The following PROCR variants were observed in gnomAD, a reference collection of about 807,000 sequenced individuals.
The protein encoded by PROCR is endothelial protein C receptor.
In PROCR, 22 loss-of-function variants were observed where a neutral mutation model predicts 24.2. The ratio of observed to expected loss-of-function variants is 0.91; its 90% CI spans 0.65 to 1.30. The LOEUF (loss-of-function observed/expected upper bound fraction) is 1.30. Among genes scored for constraint, PROCR ranks in the 50% most tolerant of loss-of-function variants. The probability of loss-of-function intolerance (pLI) is 0.00; values close to 1 mark genes in which losing one functional copy is unlikely to be tolerated. For synonymous variants in PROCR, 137 were observed against 139.2 expected, an observed-to-expected ratio of 0.98 and a Z score of 0.11; for missense variants, 288 against 307.7, an observed-to-expected ratio of 0.94 and a Z score of 0.48.
At chr20:35,178,668 A>G (rs2086050169), downstream of PROCR, among the ~76,000 whole-genome samples, 3 of 134,806 alleles carry the variant, frequency 2.2e-5, no homozygotes, top group Non-Finnish European at 4.8e-5. Context: ...GGCGCCCGCC[A>G]CTACGCCCGG....
chr20:35,214,132 C>T (rs1042562471), intron 1 of PROCR, among the ~76,000 whole-genome samples: 2 of 151,992 alleles, frequency 1.3e-5, no homozygotes, highest in African/African-American at 4.8e-5. Flanking sequence ...AAATTGCCTT[C>T]CCACCCTGTC....
intron 1 of PROCR, among the ~76,000 whole-genome samples, chr20:35,205,796 T>C (rs1435143342): frequency 7.6e-6 from 1 of 131,980 alleles, no homozygotes; most frequent in Non-Finnish European, 1.6e-5. Context: ...TATGTATATA[T>C]ACACACATAT....
At chr20:35,213,446 G>A (rs972017683) in intron 1 of PROCR, among the ~76,000 whole-genome samples, 9 of 151,704 alleles carry the variant, frequency 5.9e-5, no homozygotes, top group South Asian at 2.1e-4. Context: ...GCTGTTTTAC[G>A]TTAAAAAAAT....
chr20:35,174,025 C>G (rs1344423889), intron 1 of PROCR, among the ~76,000 whole-genome samples: 1 of 152,176 alleles, frequency 6.6e-6, no homozygotes, highest in Non-Finnish European at 1.5e-5. Context: ...CTATCTCTGT[C>G]TCAGTTTCCC....
At chr20:35,192,562 C>A (rs1319929590) in intron 1 of PROCR, among the ~76,000 whole-genome samples, 1 of 152,118 alleles carries the variant, frequency 6.6e-6, no homozygotes, top group East Asian at 1.9e-4. Flanking sequence ...CTTTTAGCTT[C>A]CCTATCTTAG....
At chr20:35,174,668 C>T (rs2085987940) in intron 1 of PROCR, 34 bp from the exon 2 acceptor site, 2 of 1,613,084 alleles carry the variant, frequency 1.2e-6, no homozygotes, top group Non-Finnish European at 1.7e-6. Context: ...CCCCCTCCCA[C>T]GCCGGCCCAG....
At chr20:35,208,276 C>A (rs774987026) in intron 1 of PROCR, among the ~76,000 whole-genome samples, 7 of 152,232 alleles carry the variant, frequency 4.6e-5, no homozygotes, top group Admixed American at 2.0e-4. Flanking sequence ...TTTCTCTCTT[C>A]GGAATCTGTC....
intron 1 of PROCR, among the ~76,000 whole-genome samples, chr20:35,198,153 A>G (rs6060303): frequency 0.8 from 120,967 of 151,572 alleles, 48,781 homozygotes; most frequent in African/African-American, 0.91. Flanking sequence ...TTAGCTGGGC[A>G]TAGTAGCGGG....
At chr20:35,200,333 A>C (rs912788466) in intron 1 of PROCR, among the ~76,000 whole-genome samples, 13 of 152,296 alleles carry the variant, frequency 8.5e-5, no homozygotes, top group African/African-American at 2.9e-4. Flanking sequence ...AGGAAGAGTC[A>C]ATTGATATGC....
intron 1 of PROCR, among the ~76,000 whole-genome samples, chr20:35,214,426 C>G (rs1265572225): frequency 6.6e-6 from 1 of 152,144 alleles, no homozygotes; most frequent in African/African-American, 2.4e-5. Flanking sequence ...GTGGCTCACG[C>G]CTGTAATCCC....
rs1255034937 is a variant in PROCR at position 35,176,747 on chromosome 20, G to T, written c.651G>T (p.Val217=). ...SYTSLVLGVL[V]GSFIIAGVAV... is the part of the protein sequence containing the mutation. ...CTTCGCTGGTCCTGGGCGTCCTGGT[G>T]GGCAGTTTCATCATTGCTGGTGTGG... Residue 217 remains valine, a synonymous_variant, in exon 4 of 4, where the codon GTG becomes GTT. Transcript: ENST00000216968. The T allele has an allele frequency of 6.2e-7, 1 of 1,613,838 alleles. No homozygotes were observed. Among genetic ancestry groups the T allele is most frequent in the African/African-American group, 1.3e-5 (1 of 74,926 alleles).
intron 1 of PROCR, among the ~76,000 whole-genome samples, chr20:35,208,731 T>C (rs1258554022): frequency 6.6e-6 from 1 of 152,148 alleles, no homozygotes; most frequent in Non-Finnish European, 1.5e-5. Context: ...TCCCAGCACT[T>C]TGGGAGGCCG....
chr20:35,203,609 T>G (rs2060327138), intron 1 of PROCR, among the ~76,000 whole-genome samples: 1 of 149,248 alleles, frequency 6.7e-6, no homozygotes, highest in Admixed American at 6.7e-5. Flanking sequence ...AGAACAAGAC[T>G]CTGTCTCAAA....
At chr20:35,209,963 A>G (rs1176447709) in intron 1 of PROCR, among the ~76,000 whole-genome samples, 1 of 152,232 alleles carries the variant, frequency 6.6e-6, no homozygotes, top group Non-Finnish European at 1.5e-5. Flanking sequence ...ACAGCGGCTC[A>G]AGCCTGTAAT....
upstream of PROCR, among the ~76,000 whole-genome samples, chr20:35,171,835 C>T (rs979793167): frequency 6.6e-6 from 1 of 152,122 alleles, no homozygotes; most frequent in African/African-American, 2.4e-5. Context: ...CCCTTCTCCC[C>T]CTTTTCCGCT....
At chr20:35,184,552 T>C (rs60802584) in intron 1 of PROCR, among the ~76,000 whole-genome samples, 4,355 of 151,240 alleles carry the variant, frequency 0.029, 297 homozygotes, top group East Asian at 0.24. Flanking sequence ...TACAAAAAAT[T>C]AGCTGGGCGT....
intron 1 of PROCR, among the ~76,000 whole-genome samples, chr20:35,212,990 C>T (rs1388072086): frequency 6.6e-6 from 1 of 152,164 alleles, no homozygotes; most frequent in Admixed American, 6.5e-5. Flanking sequence ...TCTTAATTTG[C>T]CTTTCTTTAA....
At chr20:35,193,455 T>C (rs2086191003) in intron 1 of PROCR, among the ~76,000 whole-genome samples, 1 of 152,172 alleles carries the variant, frequency 6.6e-6, no homozygotes, top group Non-Finnish European at 1.5e-5. Context: ...ATTACAGGCA[T>C]GAGCCACCGC....
At chr20:35,191,885 C>T (rs1027447654) in intron 1 of PROCR, among the ~76,000 whole-genome samples, 2 of 152,164 alleles carry the variant, frequency 1.3e-5, no homozygotes, top group East Asian at 3.8e-4. Flanking sequence ...TGAAAAGCAT[C>T]ACTATGGCTA....
Sources: gnomAD v4.1 joint callset for allele counts (sites outside exome capture counted in the v4.1 genomes callset) on GRCh38, gnomAD v4.1.1 for gene constraint, MANE v1.5 for transcripts, NCBI Gene and HGNC (gene_info 2026-07-23, HGNC 2026-07-21) for gene names.